The following TP53TG5 variants were observed in gnomAD, a reference collection of about 807,000 sequenced individuals.
TP53TG5 encodes the protein TP53-target gene 5 protein.
TP53TG5 carries 17 observed loss-of-function variants against 30.0 expected under a neutral mutation model. The observed-to-expected ratio is 0.57, with a 90% CI of 0.39 to 0.85. The LOEUF (loss-of-function observed/expected upper bound fraction) is 0.85. Ranked by LOEUF, TP53TG5 falls within the 40% of genes least tolerant of loss-of-function variation. The pLI, the probability that TP53TG5 is intolerant of heterozygous loss-of-function variation, is 0.00. For missense variants in TP53TG5, 338 were observed against 367.9 expected (o/e 0.92, Z 0.67); for synonymous variants, 137 against 139.2 (o/e 0.98, Z 0.11).
At chr20:45,374,891 C>T in intron 4 of TP53TG5, 148 bp downstream of exon 4, 1 of 1,107,526 alleles carries the variant, frequency 9.0e-7, no homozygotes, top group Non-Finnish European at 1.3e-6. Flanking sequence ...GCTTCCCCCT[C>T]TCTGGACATG....
At position 45,375,085 on chromosome 20, in the gene TP53TG5, C is replaced by A. The variant is rs140811424; in HGVS notation, c.722G>T (p.Arg241Leu). The change falls in exon 4 of 5, where the codon CGC becomes CTC. Residue 241 changes from arginine (R) to leucine (L), a missense_variant. Coordinates refer to ENST00000372726, the MANE Select transcript of TP53TG5 (RefSeq NM_014477.3). ...CATTTCAAGTGATGCGGAGCAGAAG[C>A]GGGTGCAGCGGCGCTTGACCCAACG... ...TLRWVKRRCT[R>L]FCSASLEMPM... is the part of the protein sequence containing the mutation. The A allele has an allele frequency of 6.2e-7, 1 of 1,614,090 alleles. No homozygotes were observed. The highest frequency in any genetic ancestry group is 8.5e-7 in the Non-Finnish European group (1 of 1,180,022).
At chr20:45,374,706 C>T (rs1372738087) in intron 4 of TP53TG5, 2 of 439,032 alleles carry the variant, frequency 4.6e-6, no homozygotes, top group Non-Finnish European at 8.1e-6. Flanking sequence ...AATCCTTAAA[C>T]CCACTTATGT....
Position 45,374,016 on chromosome 20 carries a change from C to T in TP53TG5, c.769-5G>A. 6.2e-7 allele frequency: 1 copy of T among 1,613,868 alleles called. No homozygotes were observed. Among genetic ancestry groups the T allele is most frequent in the Non-Finnish European group, 8.5e-7 (1 of 1,179,990 alleles). Reference sequence around the variant, plus strand: ...TCTCGTCCAGGTCACATCAACCTGCCAGCAGAAACCTCGGTGTTAGGCGCT... The same window carrying T: ...TCTCGTCCAGGTCACATCAACCTGCTAGCAGAAACCTCGGTGTTAGGCGCT... On this transcript the variant is annotated splice_region_variant and splice_polypyrimidine_tract_variant and intron_variant, in intron 4 of 4. Coordinates refer to ENST00000372726, the MANE Select transcript of TP53TG5 (RefSeq NM_014477.3).
At chr20:45,377,840 G>A (rs1295115085) in intron 1 of TP53TG5, among the ~76,000 whole-genome samples, 1 of 152,138 alleles carries the variant, frequency 6.6e-6, no homozygotes, top group African/African-American at 2.4e-5. Context: ...TACTCAAGAG[G>A]GTGAGGCAGG....
Position 45,373,674 on chromosome 20 carries a change from T to C in TP53TG5, c.*233A>G, listed in dbSNP as rs1167127355. 3.5e-6 allele frequency: 2 copies of C among 564,460 alleles called. No homozygotes were observed. Among genetic ancestry groups the C allele is most frequent in the Non-Finnish European group, 6.3e-6 (2 of 315,466 alleles). 35.0% of individuals were successfully genotyped at this position (564,460 alleles called of 1,614,324 possible). On this transcript the variant is annotated 3_prime_UTR_variant, in exon 5 of 5. Coordinates refer to ENST00000372726, the MANE Select transcript of TP53TG5 (RefSeq NM_014477.3). ...GCACCCAGGAAGCACACGAGCGCCC[T>C]GACTTCACAGAGCGCGCCACTCAGG...
rs191746634 is a variant in TP53TG5, at chr20:45,373,466, T to C, written c.*441A>G. On this transcript the variant is annotated 3_prime_UTR_variant, in exon 5 of 5. Coordinates refer to ENST00000372726, the MANE Select transcript of TP53TG5 (RefSeq NM_014477.3). ...TACAGGGTGCTGGGGCTATTCCGCC[T>C]GCCTCGTGACTTCTGAGCAGGCTCT... 28 of 220,936 alleles carry C rather than the reference T, an allele frequency of 1.3e-4. No homozygotes were observed. The East Asian group carries it at 2.2e-3, about 17-fold the overall frequency. 13.7% of individuals were successfully genotyped at this position (220,936 alleles called of 1,614,324 possible).
intron 1 of TP53TG5, 62 bp from the exon 2 acceptor site, chr20:45,377,675 T>C (rs1050123162): frequency 2.6e-6 from 4 of 1,537,106 alleles, no homozygotes; most frequent in Non-Finnish European, 2.7e-6. Flanking sequence ...TGGTGCCTCA[T>C]GTCTGTAATC....
intron 4 of TP53TG5, 49 bp from the exon 5 acceptor site, chr20:45,374,060 C>G (rs747447182): frequency 2.5e-6 from 4 of 1,587,492 alleles, no homozygotes; most frequent in South Asian, 2.2e-5. Context: ...CCCCAGGGGG[C>G]GCTGGTCGTT....
intron 3 of TP53TG5, chr20:45,375,805 C>T: frequency 2.0e-6 from 1 of 493,112 alleles, no homozygotes; most frequent in Non-Finnish European, 3.6e-6. Context: ...TTGTCTACAT[C>T]ATCTGCCACT....
intron 4 of TP53TG5, chr20:45,374,516 C>T: frequency 1.9e-6 from 1 of 530,944 alleles, no homozygotes; most frequent in Non-Finnish European, 3.3e-6. Context: ...AAGCAGTCTT[C>T]CTGCCTCGAC....
chr20:45,374,391 C>T, intron 4 of TP53TG5: 1 of 621,130 alleles, frequency 1.6e-6, no homozygotes, highest in Non-Finnish European at 2.9e-6. Flanking sequence ...CCGACCTCAG[C>T]CTCCTGAGTA....
rs367652355 is a variant in TP53TG5 at position 45,377,543 on chromosome 20, C to T, written c.119G>A (p.Arg40Lys). The T allele has an allele frequency of 1.1e-5, 18 of 1,613,912 alleles. No individual in the cohort carries two copies. The highest frequency in any genetic ancestry group is 3.3e-4 in the Middle Eastern group (2 of 6,056). ...GGCCAAAACAGGGCGTCTCACCGTT[C>T]TCAGACGGTTCCGCTCAATTACTTT... Reference protein sequence around the residue: ...VSKVIERNRLRTVLKNLSLLK... With the variant: ...VSKVIERNRLKTVLKNLSLLK... Residue 40 changes from arginine to lysine, a missense_variant, in exon 2 of 5, where the codon AGA becomes AAA. Arg to Lys is a conservative substitution (Grantham distance 26). Coordinates refer to ENST00000372726, the MANE Select transcript of TP53TG5 (RefSeq NM_014477.3).
Position 45,373,025 on chromosome 20 carries a change from C to G in TP53TG5, c.*882G>C, listed in dbSNP as rs2741415. 1 of 152,364 alleles carries G rather than the reference C, an allele frequency of 6.6e-6. No individual in the cohort carries two copies. The highest frequency in any genetic ancestry group is 2.4e-5 in the African/African-American group (1 of 41,454). 9.4% of individuals were successfully genotyped at this position (152,364 alleles called of 1,614,324 possible). A position where few individuals can be genotyped will look rare whatever the true frequency, so the allele number is the denominator to read the frequency against. The stretch of plus-strand genomic sequence containing the variant: ...CCCTGACCCCCAATCCCGGAGAGCT[C>G]TGTGCCCCTCGATGGCTCCACTGCT... On this transcript the variant is annotated 3_prime_UTR_variant, in exon 5 of 5. Transcript: ENST00000372726.
chr20:45,375,673 C>A (rs1428187024), intron 3 of TP53TG5, 121 bp from the exon 4 acceptor site: 1 of 1,246,826 alleles, frequency 8.0e-7, no homozygotes, highest in African/African-American at 1.5e-5. Flanking sequence ...TGCAAAGAAA[C>A]TTCTCTACTG....
chr20:45,373,851 C>T lies in TP53TG5; in HGVS notation c.*56G>A. The T allele has an allele frequency of 1.9e-6, 3 of 1,545,932 alleles. No individual in the cohort carries two copies. The highest frequency in any genetic ancestry group is 2.7e-6 in the Non-Finnish European group (3 of 1,118,778). Reference sequence around the variant, plus strand: ...GGCCTCTTTCCTTCATCCTTCCCAGCCCCAGACAAACAGGCAGAGTAAGCA... The same window carrying T: ...GGCCTCTTTCCTTCATCCTTCCCAGTCCCAGACAAACAGGCAGAGTAAGCA... On this transcript the variant is annotated 3_prime_UTR_variant, in exon 5 of 5. Transcript: ENST00000372726.
At chr20:45,374,951 A>T in intron 4 of TP53TG5, 88 bp downstream of exon 4, 1 of 1,529,840 alleles carries the variant, frequency 6.5e-7, no homozygotes, top group Non-Finnish European at 8.8e-7. Context: ...AAGACTCCAG[A>T]TCCTGAACCC....
chr20:45,375,849 G>A (rs915618899), intron 3 of TP53TG5: 13 of 382,394 alleles, frequency 3.4e-5, no homozygotes, highest in Non-Finnish European at 5.2e-5. Context: ...ACTTCAGCTG[G>A]GAGGGTGAAC....
At chr20:45,377,798 G>A (rs111664605) in intron 1 of TP53TG5, among the ~76,000 whole-genome samples, 185 bp from the exon 2 acceptor site, 4,626 of 152,062 alleles carry the variant, frequency 0.03, 233 homozygotes, top group African/African-American at 0.1. Flanking sequence ...AAAAATTAGC[G>A]AGGTGTGGTG....
At position 45,375,378 on chromosome 20, in the gene TP53TG5, C is replaced by G; in HGVS notation, c.429G>C (p.Thr143=). The part of the protein sequence containing the change: ...VQSGMRNKEK[T]SLAAMPRKEK... ...CTTTCCGTGGCATTGCCGCCAATGACGTTTTCTCCTTGTTCCTCATCCCTG... is the reference window on the plus strand; with the variant it reads ...CTTTCCGTGGCATTGCCGCCAATGAGGTTTTCTCCTTGTTCCTCATCCCTG... The change falls in exon 4 of 5, where the codon ACG becomes ACC. Residue 143 remains threonine, a synonymous_variant. Transcript: ENST00000372726. 1 of 1,614,122 alleles carries G rather than the reference C, an allele frequency of 6.2e-7. No individual in the cohort carries two copies. The highest frequency in any genetic ancestry group is 8.5e-7 in the Non-Finnish European group (1 of 1,180,034).
Sources: gnomAD v4.1 joint callset for allele counts (sites outside exome capture counted in the v4.1 genomes callset) on GRCh38, gnomAD v4.1.1 for gene constraint, MANE v1.5 for transcripts, NCBI Gene and HGNC (gene_info 2026-07-23, HGNC 2026-07-21) for gene names.